Variants in ETV1 observed in about 807,000 individuals in gnomAD.
ETV1 encodes the protein ETS translocation variant 1.
In ETV1, 27 loss-of-function variants were observed where a neutral mutation model predicts 62.3. The observed-to-expected ratio is 0.43, with a 90% CI of 0.32 to 0.60. The LOEUF (loss-of-function observed/expected upper bound fraction) is 0.60. Ranked by LOEUF, ETV1 falls within the 20% of genes least tolerant of loss-of-function variation. The probability of loss-of-function intolerance (pLI) is 0.06; values close to 1 mark genes in which losing one functional copy is unlikely to be tolerated. For synonymous variants in ETV1, 222 were observed against 199.6 expected (o/e 1.11, Z -0.94); for missense variants, 605 against 605.8 (o/e 1.00, Z 0.01).
rs113292124 is a variant in ETV1 at position 13,953,669 on chromosome 7, G to T, written c.236-14423C>A. Among the ~76,000 whole-genome samples the T allele has an allele frequency of 8.5e-3, 1,221 of 142,956 alleles. 16 individuals are homozygous for T. The highest frequency in any genetic ancestry group is 0.037 in the South Asian group (163 of 4,448). 93.8% of individuals were successfully genotyped at this position (142,956 alleles called of 152,430 possible). A position where few individuals can be genotyped will look rare whatever the true frequency, so the allele number is the denominator to read the frequency against. ...AGACAGGTTCTTCCCATAAGAACAT[G>T]TTAAAAAAAAAAAAAAAAGAAAGAA... On this transcript the variant is annotated intron_variant, in intron 6 of 13. Transcript: ENST00000430479.
At chr7:13,965,042 C>G (rs1216089089) in intron 6 of ETV1, among the ~76,000 whole-genome samples, 1 of 152,002 alleles carries the variant, frequency 6.6e-6, no homozygotes, top group Non-Finnish European at 1.5e-5. Context: ...CTACTAATAC[C>G]TCCGCCGCTG....
At chr7:13,969,026 A>C (rs1780595025) in intron 6 of ETV1, among the ~76,000 whole-genome samples, 1 of 152,136 alleles carries the variant, frequency 6.6e-6, no homozygotes, top group African/African-American at 2.4e-5. Flanking sequence ...GCTTTACTGG[A>C]AAGGGGGCTG....
chr7:13,897,058 G>C (rs959460154), intron 13 of ETV1, among the ~76,000 whole-genome samples: 4 of 151,712 alleles, frequency 2.6e-5, no homozygotes, highest in Admixed American at 6.6e-5. Context: ...AAATTCTGAA[G>C]AGTAATGCTT....
intron 9 of ETV1, among the ~76,000 whole-genome samples, chr7:13,918,102 G>A (rs1784393872): frequency 6.6e-6 from 1 of 151,990 alleles, no homozygotes; most frequent in Non-Finnish European, 1.5e-5. Context: ...GAAACTACAT[G>A]ATTTGAAAAA....
intron 6 of ETV1, among the ~76,000 whole-genome samples, chr7:13,968,241 T>C (rs1203790206): frequency 6.6e-6 from 1 of 151,860 alleles, no homozygotes; most frequent in Non-Finnish European, 1.5e-5. Flanking sequence ...TATATTGTTA[T>C]ATTAAGGACA....
At chr7:13,917,440 C>A (rs1348347350) in intron 9 of ETV1, among the ~76,000 whole-genome samples, 1 of 151,860 alleles carries the variant, frequency 6.6e-6, no homozygotes, top group Non-Finnish European at 1.5e-5. Context: ...GCCTCAGCCT[C>A]CCTAGTAGCT....
intron 9 of ETV1, among the ~76,000 whole-genome samples, chr7:13,914,305 G>A (rs954462861): frequency 8.6e-5 from 13 of 151,968 alleles, no homozygotes; most frequent in Non-Finnish European, 1.6e-4. Context: ...TTTAATTTAG[G>A]ACAAAGAATT....
chr7:13,894,117 G>A lies in ETV1; in HGVS notation c.*1749C>T, dbSNP rs1304192704. 4.3e-6 allele frequency: 1 copy of A among 231,694 alleles called. No individual in the cohort carries two copies. The highest frequency in any genetic ancestry group is 2.2e-5 in the African/African-American group (1 of 44,980). 14.4% of individuals were successfully genotyped at this position (231,694 alleles called of 1,614,324 possible). A position where few individuals can be genotyped will look rare whatever the true frequency, so the allele number is the denominator to read the frequency against. On this transcript the variant is annotated 3_prime_UTR_variant, in exon 14 of 14. Transcript: ENST00000430479. ...ATCTTTTTCATGCTCATCACGAAAT[G>A]CTTTTACAATAGGTTTATTTTGACT...
chr7:13,988,264 G>A (rs985553778), intron 3 of ETV1, 91 bp from the exon 4 acceptor site: 2 of 744,678 alleles, frequency 2.7e-6, no homozygotes, highest in Non-Finnish European at 2.4e-6. Context: ...ACACAGACAT[G>A]CATACATAAG....
chr7:13,923,199 T>C (rs763456674), intron 9 of ETV1, among the ~76,000 whole-genome samples: 2 of 152,174 alleles, frequency 1.3e-5, no homozygotes, highest in Non-Finnish European at 2.9e-5. Flanking sequence ...AATAACCATG[T>C]TGTTCTTGCT....
chr7:13,973,653 T>G (rs1217528257), intron 6 of ETV1, among the ~76,000 whole-genome samples: 1 of 152,164 alleles, frequency 6.6e-6, no homozygotes, highest in Non-Finnish European at 1.5e-5. Flanking sequence ...ACTTTTTTTT[T>G]TAAATTAGGC....
intron 13 of ETV1, 70 bp downstream of exon 13, chr7:13,900,668 C>T (rs1782318690): frequency 1.2e-5 from 13 of 1,045,946 alleles, no homozygotes; most frequent in South Asian, 4.6e-5. Context: ...TGATATGTGG[C>T]GTTTAAAGTA....
At chr7:13,988,416 A>G in intron 3 of ETV1, 3 of 580,496 alleles carry the variant, frequency 5.2e-6, no homozygotes, top group Non-Finnish European at 9.0e-6. Flanking sequence ...GCACATTACT[A>G]TTTATCAATC....
At chr7:13,947,203 C>T (rs138845208) in intron 6 of ETV1, among the ~76,000 whole-genome samples, 1 of 152,110 alleles carries the variant, frequency 6.6e-6, no homozygotes, top group Non-Finnish European at 1.5e-5. Flanking sequence ...TAATGTAAAT[C>T]CAGAGAATGA....
chr7:13,944,615 G>A (rs990407537), intron 6 of ETV1, among the ~76,000 whole-genome samples: 2 of 152,018 alleles, frequency 1.3e-5, no homozygotes, highest in Admixed American at 6.6e-5. Flanking sequence ...ATTCTCAAAG[G>A]GTTATCAGAG....
intron 12 of ETV1, among the ~76,000 whole-genome samples, chr7:13,905,829 C>T (rs1020198292): frequency 2.0e-5 from 3 of 152,234 alleles, no homozygotes; most frequent in South Asian, 4.1e-4. Flanking sequence ...ACAAGTGTCA[C>T]GGACAAAGGA....
At chr7:13,950,289 G>C (rs1156610383) in intron 6 of ETV1, among the ~76,000 whole-genome samples, 1 of 151,986 alleles carries the variant, frequency 6.6e-6, no homozygotes, top group African/African-American at 2.4e-5. Flanking sequence ...GATCTTCCTG[G>C]GCAGTTCAAA....
At position 13,989,038 on chromosome 7, in the gene ETV1, A is replaced by G; in HGVS notation, c.15T>C (p.Tyr5=). 1 of 1,606,046 alleles carries G rather than the reference A, an allele frequency of 6.2e-7. No individual in the cohort carries two copies. Among genetic ancestry groups the G allele is most frequent in the Non-Finnish European group, 8.5e-7 (1 of 1,175,938 alleles). MDGF[Y]DQQVPYMVTN... is the part of the protein sequence containing the mutation. ...TGACCATGTAAGGCACTTGCTGGTC[A>G]TAAAATCCATCCATGCTGCTGCTCT... The change falls in exon 3 of 14, where the codon TAT becomes TAC. Residue 5 remains tyrosine, a synonymous_variant. Coordinates refer to ENST00000430479, the MANE Select transcript of ETV1 (RefSeq NM_004956.5).
At chr7:13,922,731 T>A (rs1350262348) in intron 9 of ETV1, among the ~76,000 whole-genome samples, 2 of 152,230 alleles carry the variant, frequency 1.3e-5, no homozygotes, top group Admixed American at 6.5e-5. Context: ...ATCAGTTACC[T>A]TTATTTCTAC....
Sources: gnomAD v4.1 joint callset for allele counts (sites outside exome capture counted in the v4.1 genomes callset) on GRCh38, gnomAD v4.1.1 for gene constraint, MANE v1.5 for transcripts, NCBI Gene and HGNC (gene_info 2026-07-23, HGNC 2026-07-21) for gene names.